Variants in PAGE2B observed in about 807,000 individuals in gnomAD.
PAGE2B encodes the protein PAGE family member 2B.
PAGE2B carries 5 observed loss-of-function variants against 7.6 expected under a neutral mutation model. The ratio of observed to expected loss-of-function variants is 0.66; its 90% CI spans 0.34 to 1.38. The LOEUF is 1.38. Among genes scored for constraint, PAGE2B ranks in the 40% most tolerant of loss-of-function variants. The pLI is 0.04. For synonymous variants in PAGE2B, 29 were observed against 26.7 expected (o/e 1.09, Z -0.27); for missense variants, 70 against 78.4 (o/e 0.89, Z 0.41).
At chrX:55,067,091 T>C in the PAGE2B span, among the ~76,000 whole-genome samples, 1 of 110,683 alleles carries the variant, frequency 9.0e-6, no homozygotes, top group Non-Finnish European at 1.9e-5. Flanking sequence ...AGTTCTGGGG[T>C]ATGTGTGCAG....
upstream of PAGE2B, among the ~76,000 whole-genome samples, chrX:55,072,165 A>G (rs935678004): frequency 4.5e-5 from 5 of 111,577 alleles, no homozygotes; most frequent in East Asian, 2.8e-4. Flanking sequence ...GATCATTTGG[A>G]ATTTTCTGGA....
At chrX:55,030,782 A>G in the PAGE2B span, among the ~76,000 whole-genome samples, 3 of 111,796 alleles carry the variant, frequency 2.7e-5, no homozygotes, top group Non-Finnish European at 5.6e-5. Context: ...AAAGACAGAA[A>G]GAGACATGGG....
At chrX:55,071,421 G>A (rs989716657), upstream of PAGE2B, among the ~76,000 whole-genome samples, 4 of 111,953 alleles carry the variant, frequency 3.6e-5, no homozygotes, top group African/African-American at 1.3e-4. Flanking sequence ...GAGATCCACT[G>A]TTAGTCTGAT....
chrX:55,042,676 A>G, the PAGE2B span, among the ~76,000 whole-genome samples: 1 of 103,051 alleles, frequency 9.7e-6, no homozygotes, highest in East Asian at 2.9e-4. Context: ...AAAAAAAAAA[A>G]AAAAAAAAAA....
chrX:55,034,941 A>G, the PAGE2B span, among the ~76,000 whole-genome samples: 1 of 110,614 alleles, frequency 9.0e-6, no homozygotes, highest in Non-Finnish European at 1.9e-5. Flanking sequence ...TTGGAGTCCA[A>G]TGTTCAAGGG....
At chrX:55,053,139 G>A in the PAGE2B span, among the ~76,000 whole-genome samples, 1 of 112,157 alleles carries the variant, frequency 8.9e-6, no homozygotes, top group Non-Finnish European at 1.9e-5. Flanking sequence ...ATCAGTGATA[G>A]ACTGGATAAA....
At chrX:55,057,551 C>T in the PAGE2B span, among the ~76,000 whole-genome samples, 2 of 111,097 alleles carry the variant, frequency 1.8e-5, no homozygotes, top group Non-Finnish European at 3.8e-5. Flanking sequence ...TGCCTTATGT[C>T]TGAGTATGAT....
chrX:55,039,080 G>T, the PAGE2B span, among the ~76,000 whole-genome samples: 2 of 111,844 alleles, frequency 1.8e-5, no homozygotes, highest in Non-Finnish European at 3.8e-5. Flanking sequence ...TCTTATTGTT[G>T]AGTGGTCGTA....
At chrX:55,062,909 G>A in the PAGE2B span, among the ~76,000 whole-genome samples, 1 of 111,521 alleles carries the variant, frequency 9.0e-6, no homozygotes, top group Admixed American at 9.6e-5. Flanking sequence ...TGAGTTTGCT[G>A]TAGATGTGTG....
chrX:55,032,464 C>T, the PAGE2B span, among the ~76,000 whole-genome samples: 1 of 110,697 alleles, frequency 9.0e-6, no homozygotes, highest in Non-Finnish European at 1.9e-5. Context: ...CTACTTTTTG[C>T]CCATTTTGGG....
chrX:55,074,767 G>A, upstream of PAGE2B, among the ~76,000 whole-genome samples: 1 of 112,571 alleles, frequency 8.9e-6, no homozygotes, highest in Non-Finnish European at 1.9e-5. Flanking sequence ...CATTATTAGA[G>A]TAACCTGGGG....
chrX:55,077,387 T>A lies in PAGE2B; in HGVS notation c.194-12T>A. The A allele has an allele frequency of 4.1e-6, 5 of 1,209,076 alleles. No homozygotes were observed. Among genetic ancestry groups the A allele is most frequent in the Non-Finnish European group, 5.6e-6 (5 of 894,521 alleles). ...TTTAATTTGTAAACTGATGACCTTT[T>A]TATCTTTTAAGGGCCTGACATGGAA... On this transcript the variant is annotated splice_polypyrimidine_tract_variant and intron_variant, in intron 3 of 4. Coordinates refer to ENST00000374971, the MANE Select transcript of PAGE2B (RefSeq NM_001015038.3).
chrX:55,046,096 T>C, the PAGE2B span, among the ~76,000 whole-genome samples: 1 of 111,016 alleles, frequency 9.0e-6, no homozygotes, highest in Non-Finnish European at 1.9e-5. Context: ...TGAATCTCTT[T>C]TATTTTTATT....
chrX:55,072,527 G>A (rs1936459801), upstream of PAGE2B, among the ~76,000 whole-genome samples: 1 of 112,663 alleles, frequency 8.9e-6, no homozygotes, highest in African/African-American at 3.2e-5. Flanking sequence ...AGGAGGCACA[G>A]GGGTCAGGGA....
the PAGE2B span, chrX:55,044,746 G>A: frequency 8.9e-6 from 1 of 111,908 alleles, no homozygotes; most frequent in Non-Finnish European, 1.9e-5. Flanking sequence ...CTTCTGTCAT[G>A]AATTTTCTGG....
chrX:55,045,936 A>G, the PAGE2B span, among the ~76,000 whole-genome samples: 2 of 111,215 alleles, frequency 1.8e-5, no homozygotes, highest in Admixed American at 1.9e-4. Context: ...GAAGTCAAAT[A>G]ACATAAGAAG....
At chrX:55,076,257 C>T (rs1476882946) in intron 2 of PAGE2B, 132 bp downstream of exon 2, 71 of 786,611 alleles carry the variant, frequency 9.0e-5, no homozygotes, top group Non-Finnish European at 1.3e-4. Flanking sequence ...ATGAAGGAAA[C>T]GTTGGTTCAG....
chrX:55,038,893 A>T, the PAGE2B span, among the ~76,000 whole-genome samples: 4 of 112,046 alleles, frequency 3.6e-5, no homozygotes, highest in Admixed American at 3.8e-4. Flanking sequence ...TGAGATTAAA[A>T]CTTTTAATTT....
chrX:55,047,288 A>G, the PAGE2B span, among the ~76,000 whole-genome samples: 2 of 112,014 alleles, frequency 1.8e-5, no homozygotes, highest in African/African-American at 6.5e-5. Flanking sequence ...ATAGTATTCC[A>G]TAGTGCATAT....
Sources: gnomAD v4.1 joint callset for allele counts (sites outside exome capture counted in the v4.1 genomes callset) on GRCh38, gnomAD v4.1.1 for gene constraint, MANE v1.5 for transcripts, NCBI Gene and HGNC (gene_info 2026-07-23, HGNC 2026-07-21) for gene names.